FAM83A: variants seen among roughly 807,000 people sequenced by gnomAD.
FAM83A encodes scaffolding CK1 anchoring protein A, also known as protein FAM83A.
A neutral mutation model predicts 24.4 loss-of-function variants in FAM83A; 21 were observed. The ratio of observed to expected loss-of-function variants is 0.86; its 90% CI spans 0.61 to 1.24. The LOEUF (loss-of-function observed/expected upper bound fraction) is 1.24, where lower values mean the gene tolerates loss of function less well. Ranked by LOEUF, FAM83A falls within the 50% of genes most tolerant of loss-of-function variation. The pLI is 0.00. For missense variants in FAM83A, 617 were observed against 579.8 expected, an observed-to-expected ratio of 1.06 and a Z score of -0.66; for synonymous variants, 270 against 252.4, an observed-to-expected ratio of 1.07 and a Z score of -0.66.
intron 2 of FAM83A, among the ~76,000 whole-genome samples, 158 bp from the exon 3 acceptor site, chr8:123,193,866 A>G (rs920100278): frequency 2.0e-5 from 3 of 152,162 alleles, no homozygotes; most frequent in African/African-American, 7.2e-5. Context: ...TTCATGACCT[A>G]ATCTCCTCCC....
At chr8:123,207,113 C>A in intron 3 of FAM83A, 44 bp from the exon 4 acceptor site, 2 of 1,281,476 alleles carry the variant, frequency 1.6e-6, no homozygotes, top group Non-Finnish European at 2.1e-6. Flanking sequence ...CCTCCCCATC[C>A]TTCCCCCTTC....
In FAM83A at chr8:123,209,221, C is replaced by A. The variant is rs77357509; in HGVS notation, c.*1533C>A. ...AAGCTCAGCCTTCGCTGTGGAGGGA[C>A]GAGAGCACAGAGCTCTTCCTCCTGG... On this transcript the variant is annotated 3_prime_UTR_variant, in exon 4 of 4. Coordinates refer to ENST00000690554, the Ensembl canonical transcript of FAM83A. The surrounding 1 kb of genome is among the most constrained non-coding windows in gnomAD (Gnocchi z 4.7). 9.6e-5 allele frequency: 117 copies of A among 1,212,482 alleles called. 1 individual carries two copies. In the East Asian group the frequency reaches 4.1e-3, roughly 43 times the overall value. The allele number at this position is 1,212,482 out of a possible 1,614,324, so 75.1% of individuals were successfully genotyped here. A position where few individuals can be genotyped will look rare whatever the true frequency, so the allele number is the denominator to read the frequency against.
chr8:123,204,764 T>TA (rs1013566789), intron 3 of FAM83A, among the ~76,000 whole-genome samples: 68 of 122,278 alleles, frequency 5.6e-4, no homozygotes, highest in Middle Eastern at 5.3e-3. Context: ...CTGTCTCAAA[T>TA]AAAAAAAAAA....
chr8:123,183,333 C>G, exon 1 of FAM83A: 1 of 1,607,888 alleles, frequency 6.2e-7, no homozygotes, highest in Non-Finnish European at 8.5e-7. Flanking sequence ...CCCGGACTAG[C>G]CAGGTACCGA....
Position 123,188,138 on chromosome 8 carries a change from G to A in FAM83A, c.481-3665G>A, listed in dbSNP as rs1252944704. Among the ~76,000 whole-genome samples, 3 of 151,946 alleles carry A rather than the reference G, an allele frequency of 2.0e-5. No homozygotes were observed. The East Asian group carries it at 5.8e-4, about 29-fold the overall frequency. On this transcript the variant is annotated intron_variant, in intron 1 of 3. Coordinates refer to ENST00000690554, the Ensembl canonical transcript of FAM83A. Reference sequence around the variant, plus strand: ...GATCTGCCCACCTCGGCCTCCCAAAGTGCTGGGATTACAGGCATGAGCCAC... The same window carrying A: ...GATCTGCCCACCTCGGCCTCCCAAAATGCTGGGATTACAGGCATGAGCCAC...
chr8:123,207,340 TA>T lies in FAM83A; in HGVS notation c.958del (p.Ser320AlafsTer101). On this transcript the variant is annotated frameshift_variant, in exon 4 of 4. Transcript: ENST00000690554. LOFTEE classifies it low-confidence loss of function (END_TRUNC). ...GAGCAGCCCCGGCCAATGGCCGCCT[TA>T]GCAGCAGCAGTGGCTCCGCCAGTGA... The T allele has an allele frequency of 1.9e-6, 3 of 1,611,346 alleles. No homozygotes were observed. Among genetic ancestry groups the T allele is most frequent in the Non-Finnish European group, 2.5e-6 (3 of 1,179,328 alleles).
At chr8:123,191,842 ATCT>A (rs1163827944) in exon 2 of FAM83A, 1 of 1,613,834 alleles carries the variant, frequency 6.2e-7, no homozygotes, top group Non-Finnish European at 8.5e-7. Flanking sequence ...GGATGTGGAG[ATCT>A]TCTGTGACAT....
chr8:123,187,238 G>T (rs992204119), intron 1 of FAM83A, among the ~76,000 whole-genome samples: 2 of 152,140 alleles, frequency 1.3e-5, no homozygotes, highest in African/African-American at 4.8e-5. Flanking sequence ...AGAGGCTGTC[G>T]GGGCCAGAGC....
chr8:123,207,186 G>T (rs747530847), exon 4 of FAM83A: 19 of 1,492,488 alleles, frequency 1.3e-5, no homozygotes, highest in Non-Finnish European at 1.7e-5. Flanking sequence ...CACGTGCACC[G>T]GAACATCCTC....
At position 123,197,547 on chromosome 8, in the gene FAM83A, AGTTG is replaced by A. The variant is rs201166859; in HGVS notation, c.773+3403_773+3406del. Among the ~76,000 whole-genome samples, 58 of 152,252 alleles carry A rather than the reference AGTTG, an allele frequency of 3.8e-4. No individual in the cohort carries two copies. In the East Asian group the frequency reaches 0.011, roughly 28 times the overall value. On this transcript the variant is annotated intron_variant, in intron 3 of 3. Transcript: ENST00000690554. Reference sequence around the variant, plus strand: ...ATATTCCATGGACAGGATGGACCACAGTTGGTTTATCTGGTCACCAATCAATAGA... The same window carrying A: ...ATATTCCATGGACAGGATGGACCACAGTTTATCTGGTCACCAATCAATAGA...
intron 1 of FAM83A, among the ~76,000 whole-genome samples, chr8:123,190,604 T>C (rs1483799633): frequency 2.0e-5 from 3 of 152,100 alleles, no homozygotes; most frequent in South Asian, 2.1e-4. Context: ...AAGCTGCTTG[T>C]CAGTATATCA....
At chr8:123,200,590 G>T (rs528313527) in intron 3 of FAM83A, among the ~76,000 whole-genome samples, 1 of 152,244 alleles carries the variant, frequency 6.6e-6, no homozygotes, top group African/African-American at 2.4e-5. Context: ...GCTGAGCGGG[G>T]TGGGTCACTT....
intron 3 of FAM83A, among the ~76,000 whole-genome samples, chr8:123,194,462 G>C (rs185208341): frequency 6.6e-6 from 1 of 150,956 alleles, no homozygotes; most frequent in African/African-American, 2.4e-5. Flanking sequence ...AATTTGTTTA[G>C]TTGTGTGTGT....
chr8:123,194,659 T>C (rs2131081617), intron 3 of FAM83A, among the ~76,000 whole-genome samples: 1 of 152,278 alleles, frequency 6.6e-6, no homozygotes, highest in Middle Eastern at 3.4e-3. Flanking sequence ...AATTTTTGTA[T>C]ATTTAGTAGA....
At chr8:123,192,233 TGGA>T (rs938800709) in intron 2 of FAM83A, among the ~76,000 whole-genome samples, 6 of 152,164 alleles carry the variant, frequency 3.9e-5, no homozygotes, top group Non-Finnish European at 8.8e-5. Flanking sequence ...GGATCTGACC[TGGA>T]GGAGATTTCC....
chr8:123,200,113 A>G (rs1824299239), intron 3 of FAM83A: 1 of 152,292 alleles, frequency 6.6e-6, no homozygotes, highest in Non-Finnish European at 1.5e-5. Flanking sequence ...CAATTGTGTT[A>G]TCAAGTAAGC....
chr8:123,188,005 C>T (rs755174860), intron 1 of FAM83A, among the ~76,000 whole-genome samples: 8 of 151,944 alleles, frequency 5.3e-5, no homozygotes, highest in Non-Finnish European at 1.0e-4. Flanking sequence ...GGATTACAGG[C>T]GCATGCCACC....
At chr8:123,203,925 C>G (rs1484502686) in intron 3 of FAM83A, among the ~76,000 whole-genome samples, 1 of 149,384 alleles carries the variant, frequency 6.7e-6, no homozygotes, top group Non-Finnish European at 1.5e-5. Flanking sequence ...CCACTGCACT[C>G]CAGCCTGGGC....
At chr8:123,196,302 G>T (rs539103184) in intron 3 of FAM83A, among the ~76,000 whole-genome samples, 1 of 152,204 alleles carries the variant, frequency 6.6e-6, no homozygotes, top group African/African-American at 2.4e-5. Flanking sequence ...ATGAGCCACC[G>T]CTCCCAGCCT....
Sources: gnomAD v4.1 joint callset for allele counts (sites outside exome capture counted in the v4.1 genomes callset) on GRCh38, gnomAD v4.1.1 for gene constraint, Gnocchi (gnomAD v3.1) non-coding constraint, MANE v1.5 for transcripts, NCBI Gene and HGNC (gene_info 2026-07-23, HGNC 2026-07-21) for gene names.